The following LAPTM4B variants were observed in gnomAD, a reference collection of about 807,000 sequenced individuals.
LAPTM4B encodes lysosomal protein transmembrane 4 beta.
LAPTM4B carries 26 observed loss-of-function variants against 28.5 expected under a neutral mutation model. The ratio of observed to expected loss-of-function variants is 0.91; its 90% CI spans 0.67 to 1.27. LAPTM4B has a LOEUF of 1.27. Among genes scored for constraint, LAPTM4B ranks in the 50% most tolerant of loss-of-function variants. LAPTM4B has a pLI of 0.00. For missense variants in LAPTM4B, 288 were observed against 285.8 expected, an observed-to-expected ratio of 1.01 and a Z score of -0.06; for synonymous variants, 109 against 106.4, an observed-to-expected ratio of 1.02 and a Z score of -0.15.
chr8:97,776,380 A>C (rs116573806), intron 1 of LAPTM4B, among the ~76,000 whole-genome samples: 4,487 of 152,200 alleles, frequency 0.029, 203 homozygotes, highest in African/African-American at 0.1. Context: ...TGGGTCGCCG[A>C]TCTCCAGCCT....
intron 6 of LAPTM4B, among the ~76,000 whole-genome samples, chr8:97,835,011 C>G (rs896649712): frequency 1.3e-5 from 2 of 152,176 alleles, no homozygotes; most frequent in African/African-American, 2.4e-5. Flanking sequence ...GTTACTGAAG[C>G]CTCCCTCTGA....
chr8:97,804,294 T>A (rs1816728333), intron 1 of LAPTM4B, among the ~76,000 whole-genome samples: 1 of 152,174 alleles, frequency 6.6e-6, no homozygotes, highest in African/African-American at 2.4e-5. Context: ...AAAGTTAATA[T>A]GTGTGTGTAT....
At chr8:97,837,223 C>T (rs1158237486) in intron 6 of LAPTM4B, among the ~76,000 whole-genome samples, 2 of 138,254 alleles carry the variant, frequency 1.4e-5, no homozygotes, top group African/African-American at 2.7e-5. Flanking sequence ...GAGACAGAGT[C>T]TCTGTCGCCC....
intron 6 of LAPTM4B, among the ~76,000 whole-genome samples, chr8:97,847,800 G>A (rs16896340): frequency 0.17 from 25,829 of 152,130 alleles, 2,306 homozygotes; most frequent in East Asian, 0.23. Flanking sequence ...GTCCAAAGGC[G>A]TCATCTGGAG....
chr8:97,815,957 T>A (rs934299146), intron 3 of LAPTM4B, 101 bp from the exon 4 acceptor site: 1 of 1,206,670 alleles, frequency 8.3e-7, no homozygotes, highest in African/African-American at 1.6e-5. Context: ...TGAATTCCAA[T>A]TTTTCCATTT....
At chr8:97,820,304 C>CTTTTTTT (rs71570268) in intron 5 of LAPTM4B, among the ~76,000 whole-genome samples, 19 of 128,350 alleles carry the variant, frequency 1.5e-4, no homozygotes, top group East Asian at 2.2e-4. Flanking sequence ...TTCTTTCTTT[C>CTTTTTTT]TTTTTTTTTT....
chr8:97,819,196 C>T lies in LAPTM4B; in HGVS notation c.465C>T (p.Val155=), dbSNP rs1192992557. The part of the protein sequence containing the change: ...DVMSVNPTCL[V]LIILLFISII... ...TGTCAGTGAATCCTACCTGTTTGGT[C>T]CTTATTATTCTTCTGTTTATTAGCA... Residue 155 remains valine (V), a synonymous_variant, in exon 5 of 7, where the codon GTC becomes GTT. Transcript: ENST00000521545. 5 of 1,608,464 alleles carry T rather than the reference C, an allele frequency of 3.1e-6. No individual in the cohort carries two copies. Among genetic ancestry groups the T allele is most frequent in the Admixed American group, 1.7e-5 (1 of 59,722 alleles).
At chr8:97,839,751 T>C (rs1817317106) in intron 6 of LAPTM4B, among the ~76,000 whole-genome samples, 1 of 152,238 alleles carries the variant, frequency 6.6e-6, no homozygotes, top group Non-Finnish European at 1.5e-5. Context: ...CATTTTACTA[T>C]AAAACACACA....
intron 1 of LAPTM4B, among the ~76,000 whole-genome samples, chr8:97,794,950 G>A (rs1017557517): frequency 2.0e-5 from 3 of 152,106 alleles, no homozygotes; most frequent in Non-Finnish European, 4.4e-5. Flanking sequence ...GACCTCAGGT[G>A]ATCCACCTGC....
At chr8:97,829,967 T>C (rs1817154125) in intron 6 of LAPTM4B, among the ~76,000 whole-genome samples, 1 of 152,108 alleles carries the variant, frequency 6.6e-6, no homozygotes, top group Non-Finnish European at 1.5e-5. Context: ...TGTGCTGGGA[T>C]TACAGGCATG....
Position 97,852,899 on chromosome 8 carries a change from A to C in LAPTM4B, c.*1425A>C, listed in dbSNP as rs1281945437. On this transcript the variant is annotated 3_prime_UTR_variant, in exon 7 of 7. Transcript: ENST00000521545. ...TTACTATGAAATAACAATTTCTAGA[A>C]ATGAAGAACAATCCGTGGAGAATAA... The C allele has an allele frequency of 2.4e-6, 1 of 411,110 alleles. No homozygotes were observed. The highest frequency in any genetic ancestry group is 4.5e-5 in the East Asian group (1 of 22,360). 25.5% of individuals were successfully genotyped at this position (411,110 alleles called of 1,614,324 possible).
At chr8:97,841,023 GATGGGGC>G (rs1817339235) in intron 6 of LAPTM4B, among the ~76,000 whole-genome samples, 1 of 151,350 alleles carries the variant, frequency 6.6e-6, no homozygotes, top group Admixed American at 6.6e-5. Flanking sequence ...TTACATCCCA[GATGGGGC>G]GGCGGCTGGG....
At chr8:97,842,778 A>G (rs1266905059) in intron 6 of LAPTM4B, among the ~76,000 whole-genome samples, 2 of 151,992 alleles carry the variant, frequency 1.3e-5, no homozygotes, top group Non-Finnish European at 2.9e-5. Context: ...CAGCCTCCCA[A>G]AGTGCTGGGA....
chr8:97,821,025 C>T (rs968036474), intron 5 of LAPTM4B, among the ~76,000 whole-genome samples: 1 of 149,322 alleles, frequency 6.7e-6, no homozygotes, highest in African/African-American at 2.5e-5. Flanking sequence ...CCACACCTGG[C>T]TGGGGACACC....
chr8:97,780,154 G>A lies in LAPTM4B; in HGVS notation c.99+4046G>A, dbSNP rs112152338. 7.2e-3 allele frequency among the ~76,000 whole-genome samples: 1,096 copies of A among 152,116 alleles called. 17 individuals are homozygous for A. Among genetic ancestry groups the A allele is most frequent in the African/African-American group, 0.024 (1,014 of 41,512 alleles). On this transcript the variant is annotated intron_variant, in intron 1 of 6. Transcript: ENST00000521545. ...TAAATAAGAGTCCAGGCCGGGTACG[G>A]TGGCTCATACCTGTAATCCCAGCAC...
chr8:97,849,032 A>G (rs895586230), intron 6 of LAPTM4B, among the ~76,000 whole-genome samples: 4 of 152,192 alleles, frequency 2.6e-5, no homozygotes, highest in Non-Finnish European at 5.9e-5. Flanking sequence ...GGCTCTCTTC[A>G]TGTGCTGACC....
chr8:97,805,346 G>GTT lies in LAPTM4B; in HGVS notation c.100-6_100-5dup. 1.1e-6 allele frequency: 1 copy of GTT among 880,258 alleles called. No individual in the cohort carries two copies. Among genetic ancestry groups the GTT allele is most frequent in the Non-Finnish European group, 1.6e-6 (1 of 621,748 alleles). 54.5% of individuals were successfully genotyped at this position (880,258 alleles called of 1,614,324 possible). On this transcript the variant is annotated splice_region_variant and splice_polypyrimidine_tract_variant and intron_variant, in intron 1 of 6. Coordinates refer to ENST00000521545, the MANE Select transcript of LAPTM4B (RefSeq NM_018407.6). ...ATTCTTTTTTTTTTTTTTTTTTCTTGTTGCAGATCATCAATGCTGTGGTAC... is the reference window on the plus strand; with the variant it reads ...ATTCTTTTTTTTTTTTTTTTTTCTTGTTTTGCAGATCATCAATGCTGTGGTAC...
intron 5 of LAPTM4B, among the ~76,000 whole-genome samples, chr8:97,821,763 T>A (rs1303133568): frequency 6.6e-6 from 1 of 152,036 alleles, no homozygotes; most frequent in Non-Finnish European, 1.5e-5. Context: ...TGGGCTTAGA[T>A]TGTAGTGCGG....
At chr8:97,791,215 T>C (rs543115040) in intron 1 of LAPTM4B, among the ~76,000 whole-genome samples, 1 of 152,302 alleles carries the variant, frequency 6.6e-6, no homozygotes, top group African/African-American at 2.4e-5. Flanking sequence ...TGATACTTTT[T>C]TGTGCACAGA....
Sources: allele counts gnomAD v4.1 joint callset (sites outside exome capture counted in the v4.1 genomes callset), GRCh38; gene constraint gnomAD v4.1.1; transcripts MANE v1.5; gene names NCBI Gene and HGNC (gene_info 2026-07-23, HGNC 2026-07-21).